The following SRL variants were observed in gnomAD, a reference collection of about 807,000 sequenced individuals.
SRL encodes the protein sarcalumenin.
SRL carries 23 observed loss-of-function variants against 39.5 expected under a neutral mutation model. That is an observed-to-expected ratio of 0.58 (90% CI 0.42 to 0.82). SRL has a LOEUF of 0.82. SRL is among the 40% of genes least tolerant of loss of function. SRL has a pLI of 0.00. For synonymous variants in SRL, 272 were observed against 237.4 expected (o/e 1.15, Z -1.34); for missense variants, 592 against 607.8 (o/e 0.97, Z 0.27).
chr16:4,230,668 G>A (rs370836450), intron 1 of SRL, among the ~76,000 whole-genome samples: 1 of 151,932 alleles, frequency 6.6e-6, no homozygotes. Flanking sequence ...GATTACAGGT[G>A]TGAGCCACCA....
chr16:4,232,358 C>G (rs538207889), intron 1 of SRL, among the ~76,000 whole-genome samples: 1 of 152,306 alleles, frequency 6.6e-6, no homozygotes, highest in East Asian at 1.9e-4. Flanking sequence ...CTACTTGACA[C>G]TAAGTAATCA....
intron 1 of SRL, among the ~76,000 whole-genome samples, chr16:4,206,214 TG>T (rs2052316672): frequency 6.6e-6 from 1 of 152,120 alleles, no homozygotes; most frequent in African/African-American, 2.4e-5. Context: ...GGTGGGCACT[TG>T]AGAGTCAACA....
chr16:4,208,216 G>A (rs2052349425), intron 1 of SRL: 1 of 365,256 alleles, frequency 2.7e-6, no homozygotes, highest in Non-Finnish European at 5.3e-6. Context: ...TTGGCCTGGT[G>A]TGCAGTGTTA....
chr16:4,204,557 C>A lies in SRL; in HGVS notation c.139G>T (p.Asp47Tyr), dbSNP rs772559606. The change falls in exon 2 of 6, where the codon GAC becomes TAC. Residue 47 changes from aspartate (D) to tyrosine (Y), a missense_variant. Transcript: ENST00000399609. Reference sequence around the variant, plus strand: ...CCAGAGTAGTCATCGGATGGCTTGTCCTCATTCAGCATGAGGGTCTTCTCG... The same window carrying A: ...CCAGAGTAGTCATCGGATGGCTTGTACTCATTCAGCATGAGGGTCTTCTCG... ...HIEKTLMLNE[D>Y]KPSDDYSAVL... 6.2e-7 allele frequency: 1 copy of A among 1,611,680 alleles called. No homozygotes were observed. Among genetic ancestry groups the A allele is most frequent in the Admixed American group, 1.7e-5 (1 of 59,658 alleles).
At chr16:4,239,924 G>A (rs368378736) in intron 1 of SRL, among the ~76,000 whole-genome samples, 325 of 151,084 alleles carry the variant, frequency 2.2e-3, no homozygotes, top group Non-Finnish European at 1.2e-3. Flanking sequence ...GCAGCAGGTC[G>A]GGAGGTGGAA....
intron 2 of SRL, among the ~76,000 whole-genome samples, chr16:4,203,719 T>C (rs1184049258): frequency 6.6e-6 from 1 of 152,074 alleles, no homozygotes; most frequent in East Asian, 1.9e-4. Context: ...TCTCTCCTCC[T>C]TCCTCACCTC....
intron 1 of SRL, among the ~76,000 whole-genome samples, chr16:4,225,883 G>A (rs754776270): frequency 6.6e-6 from 1 of 151,952 alleles, no homozygotes; most frequent in Non-Finnish European, 1.5e-5. Context: ...TGACCTGGAG[G>A]CCCACACCCT....
chr16:4,205,520 C>T (rs1225215178), intron 1 of SRL, among the ~76,000 whole-genome samples: 1 of 152,142 alleles, frequency 6.6e-6, no homozygotes, highest in Non-Finnish European at 1.5e-5. Context: ...TGTGCCTGCA[C>T]CAGTGGTCTC....
intron 1 of SRL, among the ~76,000 whole-genome samples, chr16:4,238,644 A>G (rs1020893053): frequency 2.0e-5 from 3 of 147,100 alleles, no homozygotes; most frequent in African/African-American, 7.8e-5. Context: ...TTTTTCCTTG[A>G]GACAAGGTCT....
chr16:4,200,150 T>C (rs1005017776), intron 3 of SRL, among the ~76,000 whole-genome samples: 1 of 152,360 alleles, frequency 6.6e-6, no homozygotes, highest in African/African-American at 2.4e-5. Flanking sequence ...AGCAACACCA[T>C]GGCCCTGCCC....
intron 1 of SRL, among the ~76,000 whole-genome samples, chr16:4,226,636 T>C (rs1225300456): frequency 6.7e-6 from 1 of 149,344 alleles, no homozygotes; most frequent in Non-Finnish European, 1.5e-5. Context: ...AATGGGTAGA[T>C]GGATGGAAGG....
Position 4,192,030 on chromosome 16 carries a change from C to T in SRL, c.*123G>A. 8.7e-7 allele frequency: 1 copy of T among 1,152,496 alleles called. No homozygotes were observed. The highest frequency in any genetic ancestry group is 1.2e-6 in the Non-Finnish European group (1 of 809,116). The allele number at this position is 1,152,496 out of a possible 1,614,324, so 71.4% of individuals were successfully genotyped here. A position where few individuals can be genotyped will look rare whatever the true frequency, so the allele number is the denominator to read the frequency against. On this transcript the variant is annotated 3_prime_UTR_variant, in exon 6 of 6. Coordinates refer to ENST00000399609, the MANE Select transcript of SRL (RefSeq NM_001098814.2). This position sits in a 1 kb window ranked among gnomAD's most constrained non-coding sequence, Gnocchi z 4.0. The stretch of plus-strand genomic sequence containing the variant: ...CCCCGACCCCTGGCCTCAATGAACT[C>T]CCAACTCTCCACTGTGTAATAATTC...
chr16:4,216,153 G>T (rs1482115008), intron 1 of SRL, among the ~76,000 whole-genome samples: 1 of 152,146 alleles, frequency 6.6e-6, no homozygotes, highest in African/African-American at 2.4e-5. Flanking sequence ...CTTGGTTTGG[G>T]AGGTAGAAAG....
intron 1 of SRL, 22 bp from the exon 2 acceptor site, chr16:4,204,656 C>G (rs1439871909): frequency 6.2e-7 from 1 of 1,606,860 alleles, no homozygotes; most frequent in Non-Finnish European, 8.5e-7. Context: ...AGCAGACAGC[C>G]AAGTGAGAGC....
chr16:4,202,639 C>T (rs996645503), intron 3 of SRL, among the ~76,000 whole-genome samples: 2 of 149,594 alleles, frequency 1.3e-5, no homozygotes, highest in South Asian at 4.2e-4. Context: ...TATTTTTCAA[C>T]GTATACCATT....
intron 1 of SRL, among the ~76,000 whole-genome samples, chr16:4,232,448 G>T (rs13331036): frequency 0.17 from 25,723 of 152,192 alleles, 4,980 homozygotes; most frequent in African/African-American, 0.48. Flanking sequence ...GTAAGTTGGA[G>T]GCCCATCAGT....
Position 4,218,956 on chromosome 16 carries a change from C to A in SRL, c.62-14322G>T, listed in dbSNP as rs375170495. Among the ~76,000 whole-genome samples, 304 of 152,390 alleles carry A rather than the reference C, an allele frequency of 2.0e-3. 1 individual carries two copies. The highest frequency in any genetic ancestry group is 6.9e-3 in the African/African-American group (288 of 41,600). On this transcript the variant is annotated intron_variant, in intron 1 of 5. Transcript: ENST00000399609. Reference sequence around the variant, plus strand: ...GACACCAAAAGGCCAGATTTTTCAACCTTCTTTCCCAGAGGGTGTCACCGA... The same window carrying A: ...GACACCAAAAGGCCAGATTTTTCAAACTTCTTTCCCAGAGGGTGTCACCGA...
At chr16:4,204,679 C>T (rs775563032) in intron 1 of SRL, 45 bp from the exon 2 acceptor site, 18 of 1,570,010 alleles carry the variant, frequency 1.1e-5, no homozygotes, top group Non-Finnish European at 1.6e-5. Flanking sequence ...AGCTAACAGC[C>T]AGCTGAGCTC....
At chr16:4,230,996 T>C (rs557554906) in intron 1 of SRL, among the ~76,000 whole-genome samples, 10 of 152,266 alleles carry the variant, frequency 6.6e-5, no homozygotes, top group Admixed American at 5.2e-4. Context: ...TTCAGACTTT[T>C]GGGCTCCAGA....
Sources: allele counts gnomAD v4.1 joint callset (sites outside exome capture counted in the v4.1 genomes callset), GRCh38; gene constraint gnomAD v4.1.1; non-coding constraint Gnocchi (gnomAD v3.1); transcripts MANE v1.5; gene names NCBI Gene and HGNC (gene_info 2026-07-23, HGNC 2026-07-21).